Variants in GNG7 observed in about 807,000 individuals in gnomAD.
GNG7 encodes the protein G protein subunit gamma 7.
A neutral mutation model predicts 4.0 loss-of-function variants in GNG7; 1 was observed. That is an observed-to-expected ratio of 0.25 (90% CI 0.09 to 1.18). The LOEUF (loss-of-function observed/expected upper bound fraction) is 1.18. GNG7 is among the 50% of genes most tolerant of loss of function. The probability of loss-of-function intolerance (pLI) is 0.50; values close to 1 mark genes in which losing one functional copy is unlikely to be tolerated. For synonymous variants in GNG7, 34 were observed against 36.9 expected (o/e 0.92, Z 0.29); for missense variants, 86 against 91.9 (o/e 0.94, Z 0.26).
intron 3 of GNG7, among the ~76,000 whole-genome samples, chr19:2,545,783 C>G (rs994563617): frequency 1.3e-5 from 2 of 151,550 alleles, no homozygotes; most frequent in African/African-American, 2.4e-5. Context: ...GTGAAACCCC[C>G]TCTCTACTAA....
intron 2 of GNG7, among the ~76,000 whole-genome samples, chr19:2,625,161 C>G (rs368301142): frequency 2.0e-5 from 3 of 152,192 alleles, no homozygotes; most frequent in Non-Finnish European, 4.4e-5. Flanking sequence ...CTCCGCCTCC[C>G]GGGTTCAAGC....
intron 1 of GNG7, among the ~76,000 whole-genome samples, chr19:2,660,420 T>C (rs1983116101): frequency 1.3e-5 from 2 of 152,182 alleles, no homozygotes; most frequent in African/African-American, 4.8e-5. Context: ...AAACTGGACG[T>C]ATATTTTTCA....
intron 2 of GNG7, among the ~76,000 whole-genome samples, chr19:2,570,053 A>AG (rs1337341959): frequency 1.4e-5 from 2 of 148,058 alleles, no homozygotes; most frequent in African/African-American, 4.9e-5. Flanking sequence ...TTGTGGCGGG[A>AG]GGGGGGTCCC....
At chr19:2,660,585 T>C (rs983995609) in intron 1 of GNG7, among the ~76,000 whole-genome samples, 30 of 149,344 alleles carry the variant, frequency 2.0e-4, no homozygotes, top group African/African-American at 5.8e-4. Flanking sequence ...CTGGGCAACA[T>C]AGTGAGACAC....
chr19:2,574,668 C>A (rs1442345817), intron 2 of GNG7, among the ~76,000 whole-genome samples: 9 of 152,218 alleles, frequency 5.9e-5, no homozygotes, highest in Admixed American at 5.9e-4. Flanking sequence ...TGTTGGGAAT[C>A]ATGCCGCTGT....
chr19:2,570,739 C>T (rs943803399), intron 2 of GNG7, among the ~76,000 whole-genome samples: 2 of 152,154 alleles, frequency 1.3e-5, no homozygotes, highest in Non-Finnish European at 2.9e-5. Flanking sequence ...TGGTAAAGGA[C>T]GTGAACCCAC....
intron 2 of GNG7, among the ~76,000 whole-genome samples, chr19:2,591,122 G>A (rs918167796): frequency 6.6e-6 from 1 of 152,166 alleles, no homozygotes; most frequent in Non-Finnish European, 1.5e-5. Context: ...GATGCTCTCA[G>A]TAACCTAGCA....
intron 4 of GNG7, among the ~76,000 whole-genome samples, chr19:2,520,287 T>C (rs1292669531): frequency 6.6e-6 from 1 of 152,236 alleles, no homozygotes; most frequent in East Asian, 1.9e-4. Flanking sequence ...AATTTGCATC[T>C]GTCATTGCCA....
intron 2 of GNG7, among the ~76,000 whole-genome samples, chr19:2,605,914 C>A (rs536830335): frequency 2.4e-4 from 36 of 152,274 alleles, no homozygotes; most frequent in African/African-American, 8.4e-4. Context: ...ACTTCTGCGA[C>A]CTCTTTGTCC....
intron 2 of GNG7, chr19:2,610,358 A>AT (rs1981524518): frequency 2.2e-5 from 1 of 44,868 alleles, no homozygotes; most frequent in South Asian, 1.0e-3. Context: ...ATTTATTATT[A>AT]CTTTTTTAAG....
intron 1 of GNG7, among the ~76,000 whole-genome samples, chr19:2,656,709 G>T (rs890117304): frequency 1.3e-5 from 2 of 152,156 alleles, no homozygotes; most frequent in Non-Finnish European, 2.9e-5. Context: ...GCACACAGCC[G>T]TGCGTGTTCA....
chr19:2,689,086 T>G (rs963203246), intron 1 of GNG7, among the ~76,000 whole-genome samples: 1 of 150,886 alleles, frequency 6.6e-6, no homozygotes, highest in African/African-American at 2.4e-5. Flanking sequence ...AAATGTAAAT[T>G]TAAAAAATAT....
At chr19:2,624,034 G>C (rs547573030) in intron 2 of GNG7, among the ~76,000 whole-genome samples, 1 of 152,162 alleles carries the variant, frequency 6.6e-6, no homozygotes, top group East Asian at 1.9e-4. Flanking sequence ...AAGCAGGATG[G>C]GGGGTGCCAA....
intron 2 of GNG7, among the ~76,000 whole-genome samples, chr19:2,638,932 T>G (rs1357396169): frequency 6.6e-6 from 1 of 152,168 alleles, no homozygotes; most frequent in Non-Finnish European, 1.5e-5. Flanking sequence ...GAGATGCTCA[T>G]GTATAACAAA....
intron 2 of GNG7, among the ~76,000 whole-genome samples, chr19:2,641,309 C>T (rs1982498566): frequency 6.6e-6 from 1 of 152,226 alleles, no homozygotes; most frequent in Admixed American, 6.5e-5. Flanking sequence ...CAGCCCCATC[C>T]TAACCCCAGA....
intron 2 of GNG7, chr19:2,643,286 G>C (rs7245964): frequency 0.078 from 31,695 of 407,386 alleles, 2,397 homozygotes; most frequent in South Asian, 0.19. Context: ...TGCACCATGT[G>C]CACCGGAAAT....
chr19:2,645,220 C>CTT (rs1291425314), intron 2 of GNG7, among the ~76,000 whole-genome samples: 1 of 146,510 alleles, frequency 6.8e-6, no homozygotes, highest in Admixed American at 7.0e-5. Flanking sequence ...TTCTTTCTTT[C>CTT]TTTCTTTTCT....
At chr19:2,544,398 G>A (rs986152001) in intron 3 of GNG7, among the ~76,000 whole-genome samples, 1 of 152,166 alleles carries the variant, frequency 6.6e-6, no homozygotes, top group Non-Finnish European at 1.5e-5. Context: ...GGAGCCATGA[G>A]GACCTCAGTG....
chr19:2,653,763 A>T lies in GNG7; in HGVS notation c.-134-7483T>A, dbSNP rs1982890598. Among the ~76,000 whole-genome samples, 1 of 151,976 alleles carries T rather than the reference A, an allele frequency of 6.6e-6. No individual in the cohort carries two copies. Among genetic ancestry groups the T allele is most frequent in the African/African-American group, 2.4e-5 (1 of 41,368 alleles). On this transcript the variant is annotated intron_variant, in intron 1 of 4. Coordinates refer to ENST00000382159, the MANE Select transcript of GNG7 (RefSeq NM_052847.3). The surrounding 1 kb of genome is among the most constrained non-coding windows in gnomAD (Gnocchi z 4.8). ...CCTCCCCTGTCCTCATCCTTATGGG[A>T]TCTTCAGATGGTGCCCTTGAGGCCC...
Sources: gnomAD v4.1 joint callset for allele counts (sites outside exome capture counted in the v4.1 genomes callset) on GRCh38, gnomAD v4.1.1 for gene constraint, Gnocchi (gnomAD v3.1) non-coding constraint, MANE v1.5 for transcripts, NCBI Gene and HGNC (gene_info 2026-07-23, HGNC 2026-07-21) for gene names.